Variants in CAMTA1 observed in about 807,000 individuals in gnomAD.
CAMTA1 encodes calmodulin binding transcription activator 1, also known as calmodulin-binding transcription activator 1.
A neutral mutation model predicts 170.9 loss-of-function variants in CAMTA1; 27 were observed. The ratio of observed to expected loss-of-function variants is 0.16; its 90% CI spans 0.12 to 0.22. The LOEUF is 0.22. Ranked by LOEUF, CAMTA1 falls within the 10% of genes least tolerant of loss-of-function variation. The pLI is 1.00. For missense variants in CAMTA1, 1,619 were observed against 2,217.2 expected (o/e 0.73, Z 5.42); for synonymous variants, 833 against 891.5 (o/e 0.93, Z 1.17).
At chr1:7,172,577 T>A (rs1197546755) in intron 4 of CAMTA1, among the ~76,000 whole-genome samples, 2 of 152,166 alleles carry the variant, frequency 1.3e-5, no homozygotes, top group African/African-American at 4.8e-5. Context: ...AGCGACTTAA[T>A]GAGCACAGAG....
At chr1:7,737,639 C>T (rs2096781976) in intron 15 of CAMTA1, 69 bp downstream of exon 15, 1 of 1,371,824 alleles carries the variant, frequency 7.3e-7, no homozygotes, top group African/African-American at 1.4e-5. Flanking sequence ...CAGCTGCCCT[C>T]AGCAGAGTCC....
chr1:7,588,676 G>C lies in CAMTA1; in HGVS notation c.511-51724G>C, dbSNP rs1225004959. On this transcript the variant is annotated intron_variant, in intron 6 of 22. Transcript: ENST00000303635. This position sits in a 1 kb window ranked among gnomAD's most constrained non-coding sequence, Gnocchi z 5.8. ...CAGGGCAACCCCAGGGCCACGACTG[G>C]GCTCCTGGCAGCACGGCCAGATGGA... is the stretch of plus-strand genomic sequence containing the variant. 9.9e-5 allele frequency among the ~76,000 whole-genome samples: 15 copies of C among 152,186 alleles called. 1 individual carries two copies. The highest frequency in any genetic ancestry group is 9.8e-4 in the Admixed American group (15 of 15,284).
chr1:6,847,392 T>C (rs183789476), intron 3 of CAMTA1, among the ~76,000 whole-genome samples: 14 of 152,246 alleles, frequency 9.2e-5, no homozygotes, highest in Non-Finnish European at 1.2e-4. Context: ...TCCTTTCCTG[T>C]GCAAAGGAAC....
At position 7,278,848 on chromosome 1, in the gene CAMTA1, T is replaced by G. The variant is rs1671107812; in HGVS notation, c.438+29222T>G. 3.3e-5 allele frequency among the ~76,000 whole-genome samples: 5 copies of G among 152,176 alleles called. No homozygotes were observed. The South Asian group carries it at 1.0e-3, about 32-fold the overall frequency. On this transcript the variant is annotated intron_variant, in intron 5 of 22. Coordinates refer to ENST00000303635, the MANE Select transcript of CAMTA1 (RefSeq NM_015215.4). ...TAATCATCCAATTGTATGAAAAAAC[T>G]GTGATTACTGCCATAGAGGAAAAGT...
At chr1:7,568,247 C>A (rs1432166934) in intron 6 of CAMTA1, among the ~76,000 whole-genome samples, 1 of 146,902 alleles carries the variant, frequency 6.8e-6, no homozygotes, top group Admixed American at 6.7e-5. Flanking sequence ...ATCAACATCA[C>A]CGTCGTCATC....
At chr1:7,578,013 G>A (rs771115252) in intron 6 of CAMTA1, among the ~76,000 whole-genome samples, 2 of 152,172 alleles carry the variant, frequency 1.3e-5, no homozygotes, top group East Asian at 1.9e-4. Context: ...TACAACAAAG[G>A]TTGATGGGTT....
At chr1:6,871,407 C>A (rs1668372557) in intron 3 of CAMTA1, among the ~76,000 whole-genome samples, 1 of 152,112 alleles carries the variant, frequency 6.6e-6, no homozygotes, top group African/African-American at 2.4e-5. Flanking sequence ...GGAACTCATT[C>A]CTTGAGGAGA....
chr1:7,090,232 C>T (rs1641302161), intron 3 of CAMTA1, among the ~76,000 whole-genome samples: 1 of 152,194 alleles, frequency 6.6e-6, no homozygotes, highest in Non-Finnish European at 1.5e-5. Context: ...GCTTCTCTTC[C>T]TTCTCAAGGC....
intron 5 of CAMTA1, among the ~76,000 whole-genome samples, chr1:7,262,304 G>A (rs924177301): frequency 6.6e-6 from 1 of 152,132 alleles, no homozygotes; most frequent in Admixed American, 6.5e-5. Context: ...GCTCACGTCT[G>A]TAATCCCAGC....
intron 4 of CAMTA1, among the ~76,000 whole-genome samples, chr1:7,215,161 A>T (rs1659533667): frequency 6.6e-6 from 1 of 151,660 alleles, no homozygotes. Context: ...TGATTATCCT[A>T]TTTTTTAAAA....
At chr1:6,792,034 A>G (rs376247877) in intron 1 of CAMTA1, among the ~76,000 whole-genome samples, 1 of 151,406 alleles carries the variant, frequency 6.6e-6, no homozygotes, top group South Asian at 2.1e-4. Flanking sequence ...GCTCCCTGCA[A>G]CCTCCGCCTT....
At position 7,670,907 on chromosome 1, in the gene CAMTA1, G is replaced by C; in HGVS notation, c.2653-4G>C. The C allele has an allele frequency of 6.2e-7, 1 of 1,613,616 alleles. No homozygotes were observed. Among genetic ancestry groups the C allele is most frequent in the Non-Finnish European group, 8.5e-7 (1 of 1,179,882 alleles). On this transcript the variant is annotated splice_polypyrimidine_tract_variant and splice_region_variant and intron_variant, in intron 9 of 22. Transcript: ENST00000303635. ...AACTCTGTTCCCCTCTCTGTTCTCT[G>C]CAGGGAGGAGTGAAGGTCCTCATCA...
intron 5 of CAMTA1, among the ~76,000 whole-genome samples, chr1:7,314,142 A>G (rs1488751846): frequency 2.0e-5 from 3 of 152,224 alleles, no homozygotes; most frequent in Admixed American, 2.0e-4. Flanking sequence ...TGTGAAGTCT[A>G]TATACCAGTT....
intron 6 of CAMTA1, among the ~76,000 whole-genome samples, chr1:7,498,172 ATG>A (rs543610068): frequency 3.1e-5 from 4 of 127,610 alleles, no homozygotes; most frequent in African/African-American, 6.6e-5. Context: ...GTGTGTGTGC[ATG>A]TGTGTGTATG....
rs763414587 is a variant in CAMTA1 at position 7,747,714 on chromosome 1, G to A, written c.4622G>A (p.Arg1541Gln). 20 of 1,606,048 alleles carry A rather than the reference G, an allele frequency of 1.2e-5. No individual in the cohort carries two copies. Among genetic ancestry groups the A allele is most frequent in the Middle Eastern group, 1.6e-4 (1 of 6,068 alleles). ...VQTAFRKYKGRPLREQQEVAA... is the reference protein window; with the variant it reads ...VQTAFRKYKGQPLREQQEVAA... Reference sequence around the variant, plus strand: ...TCTCCTTACTTTACCCTTAAGGGCCGACCCTTGCGGGAACAGCAAGAAGTA... The same window carrying A: ...TCTCCTTACTTTACCCTTAAGGGCCAACCCTTGCGGGAACAGCAAGAAGTA... Residue 1541 changes from arginine to glutamine, a missense_variant, in exon 19 of 23, where the codon CGA becomes CAA. This residue lies in a region of CAMTA1 where 128 missense variants were observed against 213.5 expected (regional missense o/e 0.60). Transcript: ENST00000303635.
intron 5 of CAMTA1, among the ~76,000 whole-genome samples, chr1:7,461,495 A>G (rs538684244): frequency 6.6e-5 from 10 of 152,322 alleles, no homozygotes; most frequent in Admixed American, 6.5e-4. Context: ...CTTTGATTGG[A>G]TTTAATTTTA....
chr1:6,994,646 G>A (rs1174444021), intron 3 of CAMTA1, among the ~76,000 whole-genome samples: 1 of 150,856 alleles, frequency 6.6e-6, no homozygotes, highest in East Asian at 2.0e-4. Context: ...GGTATTATTT[G>A]TTTTGTTTTG....
Position 7,015,755 on chromosome 1 carries a change from G to C in CAMTA1, c.235-75549G>C, listed in dbSNP as rs191953181. Among the ~76,000 whole-genome samples, 339 of 152,318 alleles carry C rather than the reference G, an allele frequency of 2.2e-3. 1 individual carries two copies. The highest frequency in any genetic ancestry group is 3.7e-3 in the Non-Finnish European group (253 of 68,032). ...TTTCTGCAGGCTGTACAGGAAGCGT[G>C]GCTGGGGAGGCCTCAGGAAACTTAG... On this transcript the variant is annotated intron_variant, in intron 3 of 22. Coordinates refer to ENST00000303635, the MANE Select transcript of CAMTA1 (RefSeq NM_015215.4).
At chr1:7,056,290 G>A (rs1707308700) in intron 3 of CAMTA1, among the ~76,000 whole-genome samples, 1 of 152,016 alleles carries the variant, frequency 6.6e-6, no homozygotes, top group African/African-American at 2.4e-5. Flanking sequence ...TGTTTCCTTG[G>A]TGGTTTTGAA....
Sources: gnomAD v4.1 joint callset for allele counts (sites outside exome capture counted in the v4.1 genomes callset) on GRCh38, gnomAD v4.1.1 for gene constraint, gnomAD v4.1.1 regional missense constraint, Gnocchi (gnomAD v3.1) non-coding constraint, MANE v1.5 for transcripts, NCBI Gene and HGNC (gene_info 2026-07-23, HGNC 2026-07-21) for gene names.